Variants in ITGA9 observed in about 807,000 individuals in gnomAD.
ITGA9 encodes the protein integrin alpha-9.
In ITGA9, 56 loss-of-function variants were observed where a neutral mutation model predicts 127.8. The observed-to-expected ratio is 0.44, with a 90% CI of 0.35 to 0.55. ITGA9 has a LOEUF of 0.55. ITGA9 is among the 20% of genes least tolerant of loss of function. The probability of loss-of-function intolerance (pLI) is 0.00; values close to 1 mark genes in which losing one functional copy is unlikely to be tolerated. For synonymous variants in ITGA9, 508 were observed against 514.5 expected, an observed-to-expected ratio of 0.99 and a Z score of 0.17; for missense variants, 1,196 against 1,347.1, an observed-to-expected ratio of 0.89 and a Z score of 1.76.
intron 12 of ITGA9, 69 bp from the exon 13 acceptor site, chr3:37,525,957 G>C: frequency 7.7e-7 from 1 of 1,298,712 alleles, no homozygotes; most frequent in South Asian, 1.2e-5. Flanking sequence ...CCTTGTGAGC[G>C]CATTCCCAGG....
chr3:37,649,139 A>C (rs981712049), intron 16 of ITGA9, among the ~76,000 whole-genome samples: 1 of 151,768 alleles, frequency 6.6e-6, no homozygotes, highest in Non-Finnish European at 1.5e-5. Context: ...GAAACAAAAC[A>C]AAAGAAAACC....
At chr3:37,490,545 G>C (rs1698659040) in intron 4 of ITGA9, among the ~76,000 whole-genome samples, 1 of 152,188 alleles carries the variant, frequency 6.6e-6, no homozygotes, top group South Asian at 2.1e-4. Flanking sequence ...TTATTAGGAA[G>C]AATATATGTT....
chr3:37,796,814 T>C (rs1307971669), intron 26 of ITGA9, among the ~76,000 whole-genome samples: 1 of 152,180 alleles, frequency 6.6e-6, no homozygotes, highest in Non-Finnish European at 1.5e-5. Context: ...AGTGCCTTGG[T>C]TCAGGTGACA....
At chr3:37,785,454 C>G (rs763559702) in intron 26 of ITGA9, among the ~76,000 whole-genome samples, 7 of 152,080 alleles carry the variant, frequency 4.6e-5, no homozygotes, top group Non-Finnish European at 8.8e-5. Context: ...TCACATTACT[C>G]CATGGGTAAA....
At chr3:37,454,964 T>G (rs1698240636) in intron 1 of ITGA9, among the ~76,000 whole-genome samples, 1 of 152,212 alleles carries the variant, frequency 6.6e-6, no homozygotes, top group South Asian at 2.1e-4. Flanking sequence ...CTAGACTTAT[T>G]GTGCAAGGCT....
intron 7 of ITGA9, among the ~76,000 whole-genome samples, chr3:37,507,311 C>T (rs1054982183): frequency 6.6e-6 from 1 of 152,160 alleles, no homozygotes; most frequent in Admixed American, 6.5e-5. Context: ...GGAGGGGCTG[C>T]GGGCTACCGG....
intron 15 of ITGA9, among the ~76,000 whole-genome samples, chr3:37,599,248 A>G (rs1193618213): frequency 6.6e-6 from 1 of 152,208 alleles, no homozygotes; most frequent in Non-Finnish European, 1.5e-5. Flanking sequence ...TTAGCTGGAT[A>G]GTTCTGCTGA....
chr3:37,460,650 T>C (rs943079065), intron 1 of ITGA9, among the ~76,000 whole-genome samples: 22 of 145,470 alleles, frequency 1.5e-4, no homozygotes, highest in African/African-American at 5.7e-4. Context: ...AGTGCAGTGG[T>C]GCGATCTCGG....
At chr3:37,543,011 A>G (rs145732351) in intron 15 of ITGA9, among the ~76,000 whole-genome samples, 55 of 152,260 alleles carry the variant, frequency 3.6e-4, no homozygotes, top group Non-Finnish European at 6.2e-4. Context: ...CAGTTAAGGC[A>G]TTTTAAAACT....
rs1212103924 is a variant in ITGA9 at position 37,517,553 on chromosome 3, C to T, written c.1085C>T (p.Ala362Val). 1.3e-6 allele frequency: 2 copies of T among 1,599,566 alleles called. No homozygotes were observed. Among genetic ancestry groups the T allele is most frequent in the Non-Finnish European group, 1.7e-6 (2 of 1,173,030 alleles). ...LALTGDGAYNAHFGESIASLD... is the reference protein window; with the variant it reads ...LALTGDGAYNVHFGESIASLD... ...CTGACTGGGGATGGTGCCTACAATG[C>T]GCACTTTGGAGAGAGCATTGCCAGC... The change falls in exon 10 of 28, where the codon GCG becomes GTG. Residue 362 changes from alanine to valine, a missense_variant. By Grantham distance (64) the Ala-to-Val change is moderately conservative. Coordinates refer to ENST00000264741, the MANE Select transcript of ITGA9 (RefSeq NM_002207.3).
chr3:37,817,795 TA>T (rs929943601), intron 27 of ITGA9, among the ~76,000 whole-genome samples: 4 of 152,116 alleles, frequency 2.6e-5, no homozygotes, highest in African/African-American at 9.7e-5. Context: ...ACACTTGTCT[TA>T]CCATATGTGA....
chr3:37,772,625 T>C (rs1485226487), intron 23 of ITGA9, among the ~76,000 whole-genome samples: 1 of 152,028 alleles, frequency 6.6e-6, no homozygotes, highest in Non-Finnish European at 1.5e-5. Flanking sequence ...GGTACTGAGT[T>C]CCTGAGTTTT....
At chr3:37,748,421 G>T (rs953451518) in intron 22 of ITGA9, 8 of 592,862 alleles carry the variant, frequency 1.3e-5, no homozygotes, top group Non-Finnish European at 3.2e-6. Flanking sequence ...AGCCAAGATA[G>T]CTTCCTGAAA....
intron 11 of ITGA9, among the ~76,000 whole-genome samples, chr3:37,520,245 GC>G (rs1413411352): frequency 1.3e-5 from 2 of 152,136 alleles, no homozygotes; most frequent in Non-Finnish European, 2.9e-5. Context: ...CTCTCTACTG[GC>G]CTCCTGCTGA....
chr3:37,721,113 C>A (rs2125683642), intron 18 of ITGA9, among the ~76,000 whole-genome samples: 1 of 104,260 alleles, frequency 9.6e-6, no homozygotes, highest in African/African-American at 4.2e-5. Context: ...TCTTTTCTTG[C>A]CTTTTTTTTT....
chr3:37,811,537 T>G (rs949262694), intron 27 of ITGA9, among the ~76,000 whole-genome samples: 3 of 152,146 alleles, frequency 2.0e-5, no homozygotes, highest in Admixed American at 1.3e-4. Context: ...CTCCAAGCTC[T>G]TCCCTCCCTG....
Position 37,819,076 on chromosome 3 carries a change from C to T in ITGA9, c.*87C>T. 9.2e-7 allele frequency: 1 copy of T among 1,083,632 alleles called. No homozygotes were observed. The highest frequency in any genetic ancestry group is 1.4e-6 in the Non-Finnish European group (1 of 713,510). The allele number at this position is 1,083,632 out of a possible 1,614,324, so 67.1% of individuals were successfully genotyped here. ...ATATTTGGAAGAAAAAAATCTTCTC[C>T]AGATTTTTCGGAGGCCCCACTGATG... On this transcript the variant is annotated 3_prime_UTR_variant, in exon 28 of 28. Coordinates refer to ENST00000264741, the MANE Select transcript of ITGA9 (RefSeq NM_002207.3).
intron 15 of ITGA9, among the ~76,000 whole-genome samples, chr3:37,575,775 G>A (rs1198891441): frequency 6.6e-6 from 1 of 152,164 alleles, no homozygotes; most frequent in Non-Finnish European, 1.5e-5. Flanking sequence ...CTGCATGGCT[G>A]TGCATCATCC....
At position 37,452,764 on chromosome 3, in the gene ITGA9, C is replaced by T. The variant is rs1002714909; in HGVS notation, c.185+205C>T. Reference sequence around the variant, plus strand: ...CGGGGCCCGCTAAGGTCGGGGTCGGCGCCTGGAGGCGGGCGGGGGCGTCCG... The same window carrying T: ...CGGGGCCCGCTAAGGTCGGGGTCGGTGCCTGGAGGCGGGCGGGGGCGTCCG... On this transcript the variant is annotated intron_variant, in intron 1 of 27. Transcript: ENST00000264741. This position sits in a 1 kb window ranked among gnomAD's most constrained non-coding sequence, Gnocchi z 7.3. Among the ~76,000 whole-genome samples, 1 of 152,116 alleles carries T rather than the reference C, an allele frequency of 6.6e-6. No individual in the cohort carries two copies. The highest frequency in any genetic ancestry group is 1.5e-5 in the Non-Finnish European group (1 of 67,986).
Sources: allele counts gnomAD v4.1 joint callset (sites outside exome capture counted in the v4.1 genomes callset), GRCh38; gene constraint gnomAD v4.1.1; non-coding constraint Gnocchi (gnomAD v3.1); transcripts MANE v1.5; gene names NCBI Gene and HGNC (gene_info 2026-07-23, HGNC 2026-07-21).